Variants in ANKDD1B observed in about 807,000 individuals in gnomAD.
ANKDD1B encodes the protein ankyrin repeat and death domain containing 1B, also known as ankyrin repeat and death domain-containing protein 1B.
ANKDD1B carries 57 observed loss-of-function variants against 59.7 expected under a neutral mutation model. That is an observed-to-expected ratio of 0.95 (90% CI 0.77 to 1.19). The LOEUF (loss-of-function observed/expected upper bound fraction) is 1.19. Ranked by LOEUF, ANKDD1B falls within the 50% of genes most tolerant of loss-of-function variation. The probability of loss-of-function intolerance (pLI) is 0.00; values close to 1 mark genes in which losing one functional copy is unlikely to be tolerated. For synonymous variants in ANKDD1B, 216 were observed against 239.5 expected (o/e 0.90, Z 0.91); for missense variants, 602 against 641.9 (o/e 0.94, Z 0.67).
chr5:75,652,511 G>A (rs1774859611), intron 7 of ANKDD1B, among the ~76,000 whole-genome samples: 1 of 151,956 alleles, frequency 6.6e-6, no homozygotes, highest in African/African-American at 2.4e-5. Flanking sequence ...GCATGATCTC[G>A]GCTCACTGCA....
At chr5:75,657,375 A>G (rs879878783) in intron 9 of ANKDD1B, among the ~76,000 whole-genome samples, 14 of 152,198 alleles carry the variant, frequency 9.2e-5, no homozygotes, top group Admixed American at 3.3e-4. Flanking sequence ...TATAAGCTAA[A>G]AAAACTTAAT....
At chr5:75,651,365 T>G (rs890789103) in intron 7 of ANKDD1B, among the ~76,000 whole-genome samples, 4 of 152,246 alleles carry the variant, frequency 2.6e-5, no homozygotes, top group African/African-American at 9.6e-5. Flanking sequence ...TGACTTTGTA[T>G]TATTGCAAGG....
intron 8 of ANKDD1B, 83 bp downstream of exon 8, chr5:75,653,323 G>GT: frequency 1.1e-6 from 1 of 900,312 alleles, no homozygotes; most frequent in Non-Finnish European, 1.7e-6. Flanking sequence ...GCAGATACGT[G>GT]TAGGAGATGA....
chr5:75,669,757 T>C (rs920504522), intron 13 of ANKDD1B, among the ~76,000 whole-genome samples: 24 of 152,318 alleles, frequency 1.6e-4, no homozygotes, highest in African/African-American at 5.5e-4. Context: ...CAAAATGCCA[T>C]TTTACCCCTG....
intron 5 of ANKDD1B, 52 bp from the exon 6 acceptor site, chr5:75,634,846 G>C: frequency 8.5e-7 from 1 of 1,182,708 alleles, no homozygotes; most frequent in South Asian, 1.3e-5. Context: ...CCATTGTCTT[G>C]CTTGTTCACT....
chr5:75,656,581 A>G (rs971788232), intron 9 of ANKDD1B, among the ~76,000 whole-genome samples: 6 of 152,140 alleles, frequency 3.9e-5, no homozygotes, highest in African/African-American at 1.4e-4. Context: ...AAGAAAAATC[A>G]CTCCAATTTC....
chr5:75,666,818 G>A lies in ANKDD1B; in HGVS notation c.1218G>A (p.Pro406=), dbSNP rs182169897. 32 of 1,535,790 alleles carry A rather than the reference G, an allele frequency of 2.1e-5. No homozygotes were observed. The highest frequency in any genetic ancestry group is 1.7e-4 in the Middle Eastern group (1 of 5,990). The change falls in exon 12 of 14, where the codon CCG becomes CCA. Residue 406 remains proline (P), a synonymous_variant. Transcript: ENST00000601380. ...AGCATCATGAGAGCATCAGGGACCCGTCAACAGGCTTTACTCTGACATTCA... is the reference window on the plus strand; with the variant it reads ...AGCATCATGAGAGCATCAGGGACCCATCAACAGGCTTTACTCTGACATTCA... ...REEHHESIRD[P]STGFTLTFKQ...
Position 75,669,350 on chromosome 5 carries a change from G to A in ANKDD1B, c.1492G>A (p.Glu498Lys), listed in dbSNP as rs1775409574. 2 of 1,232,156 alleles carry A rather than the reference G, an allele frequency of 1.6e-6. No homozygotes were observed. Among genetic ancestry groups the A allele is most frequent in the Non-Finnish European group, 2.0e-6 (2 of 987,938 alleles). The allele number at this position is 1,232,156 out of a possible 1,614,324, so 76.3% of individuals were successfully genotyped here. A position where few individuals can be genotyped will look rare whatever the true frequency, so the allele number is the denominator to read the frequency against. The change falls in exon 13 of 14, where the codon GAG (glutamate) becomes AAG (lysine). Residue 498 changes from glutamate to lysine, a missense_variant. By Grantham distance (56) the Glu-to-Lys change is moderately conservative. This residue lies in a region of ANKDD1B where 280 missense variants were observed against 319.8 expected (regional missense o/e 0.88). Coordinates refer to ENST00000601380, the MANE Select transcript of ANKDD1B (RefSeq NM_001276713.2). ...QGDPAKQLYE[E>K]LVHAGFPKLA... Reference sequence around the variant, plus strand: ...TGACCCGGCCAAGCAACTGTATGAAGAGCTGGTACACGCAGGTTTCCCAAA... The same window carrying A: ...TGACCCGGCCAAGCAACTGTATGAAAAGCTGGTACACGCAGGTTTCCCAAA...
At chr5:75,653,335 A>G in intron 8 of ANKDD1B, 95 bp downstream of exon 8, 2 of 802,396 alleles carry the variant, frequency 2.5e-6, no homozygotes, top group Non-Finnish European at 4.1e-6. Context: ...AGGAGATGAG[A>G]TGTTTCACAA....
intron 7 of ANKDD1B, among the ~76,000 whole-genome samples, chr5:75,641,411 G>T (rs770949634): frequency 6.6e-6 from 1 of 152,086 alleles, no homozygotes; most frequent in Non-Finnish European, 1.5e-5. Context: ...GCACCAAAGG[G>T]TATATGATAA....
At chr5:75,651,697 C>T (rs578125491) in intron 7 of ANKDD1B, among the ~76,000 whole-genome samples, 1 of 152,336 alleles carries the variant, frequency 6.6e-6, no homozygotes, top group East Asian at 1.9e-4. Context: ...GGTTCTAGTC[C>T]ACTTCCTACT....
chr5:75,626,406 C>G (rs1356432300), intron 5 of ANKDD1B, among the ~76,000 whole-genome samples: 1 of 152,184 alleles, frequency 6.6e-6, no homozygotes, highest in Admixed American at 6.5e-5. Flanking sequence ...ACAATACCAG[C>G]TACTACTTAA....
intron 7 of ANKDD1B, among the ~76,000 whole-genome samples, chr5:75,646,804 G>T (rs1245696878): frequency 8.8e-6 from 1 of 114,094 alleles, no homozygotes; most frequent in Non-Finnish European, 1.6e-5. Flanking sequence ...TCAATCCTAA[G>T]CCAAAAGAAC....
chr5:75,670,357 G>A (rs868511836), intron 13 of ANKDD1B, among the ~76,000 whole-genome samples: 11 of 152,216 alleles, frequency 7.2e-5, no homozygotes, highest in Middle Eastern at 3.4e-3. Context: ...GGAAATTCTT[G>A]ATCATTGAAA....
chr5:75,668,021 T>A (rs1162688775), intron 12 of ANKDD1B, among the ~76,000 whole-genome samples: 2 of 152,222 alleles, frequency 1.3e-5, no homozygotes, highest in Non-Finnish European at 2.9e-5. Flanking sequence ...TTGTTAAGAT[T>A]TCTTTTTTGT....
At chr5:75,635,740 C>T in intron 6 of ANKDD1B, 44 bp from the exon 7 acceptor site, 4 of 1,300,316 alleles carry the variant, frequency 3.1e-6, no homozygotes, top group Non-Finnish European at 4.3e-6. Flanking sequence ...GGAGCATGCT[C>T]TCCTGGCACA....
chr5:75,658,931 G>A (rs937011089), intron 9 of ANKDD1B, among the ~76,000 whole-genome samples: 1 of 151,876 alleles, frequency 6.6e-6, no homozygotes, highest in African/African-American at 2.4e-5. Context: ...TCTATTAAAC[G>A]GTAACTTCCC....
rs947338238 is a variant in ANKDD1B, at chr5:75,671,816, A to C, written c.*776A>C. Reference sequence around the variant, plus strand: ...ACATGCATTATTTTTGTAATCTAAGAGTTATGAAATAAATGTAAAATTGAG... The same window carrying C: ...ACATGCATTATTTTTGTAATCTAAGCGTTATGAAATAAATGTAAAATTGAG... On this transcript the variant is annotated 3_prime_UTR_variant, in exon 14 of 14. Coordinates refer to ENST00000601380, the MANE Select transcript of ANKDD1B (RefSeq NM_001276713.2). 4.1e-5 allele frequency: 6 copies of C among 145,064 alleles called. No homozygotes were observed. The highest frequency in any genetic ancestry group is 3.6e-3 in the Middle Eastern group (1 of 280). The allele number at this position is 145,064 out of a possible 1,614,324, so 9.0% of individuals were successfully genotyped here.
At chr5:75,660,923 A>G (rs761590960) in intron 10 of ANKDD1B, among the ~76,000 whole-genome samples, 5 of 152,094 alleles carry the variant, frequency 3.3e-5, no homozygotes, top group African/African-American at 4.8e-5. Context: ...TTTTTACCCA[A>G]CAGTTCAATA....
Sources: gnomAD v4.1 joint callset for allele counts (sites outside exome capture counted in the v4.1 genomes callset) on GRCh38, gnomAD v4.1.1 for gene constraint, gnomAD v4.1.1 regional missense constraint, MANE v1.5 for transcripts, NCBI Gene and HGNC (gene_info 2026-07-23, HGNC 2026-07-21) for gene names.